The following NELL1 variants were observed in gnomAD, a reference collection of about 807,000 sequenced individuals.
The protein encoded by NELL1 is neural EGFL like 1, also known as protein kinase C-binding protein NELL1.
In NELL1, 76 loss-of-function variants were observed where a neutral mutation model predicts 107.4. The ratio of observed to expected loss-of-function variants is 0.71; its 90% CI spans 0.59 to 0.86. NELL1 has a LOEUF of 0.86. Among genes scored for constraint, NELL1 ranks in the 40% least tolerant of loss-of-function variants. The pLI is 0.00. For synonymous variants in NELL1, 353 were observed against 341.2 expected (o/e 1.03, Z -0.38); for missense variants, 1,024 against 1,005.5 (o/e 1.02, Z -0.25).
chr11:21,489,624 C>T (rs1002007959), intron 15 of NELL1, among the ~76,000 whole-genome samples: 7 of 151,902 alleles, frequency 4.6e-5, no homozygotes, highest in Non-Finnish European at 2.9e-5. Flanking sequence ...TACACCAGGA[C>T]TGCAAGGATG....
At chr11:20,983,806 T>C (rs1278233901) in intron 12 of NELL1, among the ~76,000 whole-genome samples, 1 of 152,148 alleles carries the variant, frequency 6.6e-6, no homozygotes, top group Non-Finnish European at 1.5e-5. Flanking sequence ...AAACTGAACA[T>C]TTTGCCCTCG....
intron 15 of NELL1, among the ~76,000 whole-genome samples, chr11:21,505,124 AG>A (rs1415604345): frequency 1.3e-5 from 2 of 152,178 alleles, no homozygotes; most frequent in Admixed American, 6.6e-5. Flanking sequence ...ATCTTACAAA[AG>A]CCATGCTGCT....
intron 12 of NELL1, among the ~76,000 whole-genome samples, chr11:21,039,779 T>C (rs999729763): frequency 2.0e-5 from 3 of 152,096 alleles, no homozygotes; most frequent in Non-Finnish European, 2.9e-5. Context: ...TGAATAAAAT[T>C]GGAGGGTAGG....
At chr11:20,752,725 T>C (rs1019631967) in intron 2 of NELL1, among the ~76,000 whole-genome samples, 4 of 152,186 alleles carry the variant, frequency 2.6e-5, no homozygotes, top group Non-Finnish European at 4.4e-5. Flanking sequence ...TTTGTAAAGA[T>C]GGCAAAGAAA....
chr11:21,257,113 G>C (rs1858789257), intron 14 of NELL1, among the ~76,000 whole-genome samples: 1 of 151,992 alleles, frequency 6.6e-6, no homozygotes, highest in African/African-American at 2.4e-5. Context: ...AGGCAGGTGT[G>C]TGTCAAAATG....
intron 12 of NELL1, among the ~76,000 whole-genome samples, chr11:21,016,983 C>G (rs1852580319): frequency 6.6e-6 from 1 of 152,070 alleles, no homozygotes; most frequent in South Asian, 2.1e-4. Flanking sequence ...CCTAGGTGTT[C>G]TTGGGAAAGT....
At chr11:21,364,904 C>G (rs1052364048) in intron 14 of NELL1, among the ~76,000 whole-genome samples, 1 of 152,178 alleles carries the variant, frequency 6.6e-6, no homozygotes, top group Admixed American at 6.5e-5. Context: ...AAATATTCAG[C>G]CTCTCACCTC....
At chr11:20,706,406 A>T (rs1457074296) in intron 2 of NELL1, among the ~76,000 whole-genome samples, 1 of 151,904 alleles carries the variant, frequency 6.6e-6, no homozygotes, top group Admixed American at 6.6e-5. Flanking sequence ...TTCTCAGCAA[A>T]CTATCACAAG....
At chr11:21,184,290 A>T (rs767946667) in intron 13 of NELL1, among the ~76,000 whole-genome samples, 1 of 151,646 alleles carries the variant, frequency 6.6e-6, no homozygotes, top group Non-Finnish European at 1.5e-5. Flanking sequence ...TGTTTTTGAG[A>T]TGGAGTCTTG....
chr11:21,540,240 T>A (rs1356767161), intron 16 of NELL1, among the ~76,000 whole-genome samples: 2 of 152,082 alleles, frequency 1.3e-5, no homozygotes, highest in Non-Finnish European at 2.9e-5. Flanking sequence ...TTGTTGTTAA[T>A]TATAATCACC....
intron 5 of NELL1, among the ~76,000 whole-genome samples, chr11:20,887,509 T>G (rs974173849): frequency 5.3e-5 from 8 of 152,210 alleles, no homozygotes; most frequent in African/African-American, 1.9e-4. Flanking sequence ...CAACCGTCTG[T>G]GTGGGATGGG....
At chr11:21,418,585 C>T (rs1048670410) in intron 15 of NELL1, among the ~76,000 whole-genome samples, 1 of 151,978 alleles carries the variant, frequency 6.6e-6, no homozygotes, top group African/African-American at 2.4e-5. Flanking sequence ...AAAGTTTTGC[C>T]TTCTCTTTTT....
chr11:21,287,115 C>T (rs993661638), intron 14 of NELL1, among the ~76,000 whole-genome samples: 1 of 152,158 alleles, frequency 6.6e-6, no homozygotes, highest in Non-Finnish European at 1.5e-5. Flanking sequence ...TTTATTAATT[C>T]ATTATAGATT....
In NELL1 at chr11:20,844,198, C is replaced by T. The variant is rs77842461; in HGVS notation, c.336-3385C>T. The stretch of plus-strand genomic sequence containing the variant: ...AATTGATTCATTTGACCATGCCTAG[C>T]GCATGGTGACCAACATGGGGAAGGC... On this transcript the variant is annotated intron_variant, in intron 3 of 19. Coordinates refer to ENST00000357134, the MANE Select transcript of NELL1 (RefSeq NM_006157.5). Among the ~76,000 whole-genome samples, 302 of 152,144 alleles carry T rather than the reference C, an allele frequency of 2.0e-3. 1 individual carries two copies. Among genetic ancestry groups the T allele is most frequent in the African/African-American group, 5.4e-3 (225 of 41,502 alleles).
intron 14 of NELL1, among the ~76,000 whole-genome samples, chr11:21,325,405 G>A (rs1850108624): frequency 6.6e-6 from 1 of 151,958 alleles, no homozygotes; most frequent in Non-Finnish European, 1.5e-5. Context: ...TAGACCAAAG[G>A]ATTTCCACTA....
At chr11:20,676,107 T>A (rs1854049246) in intron 1 of NELL1, among the ~76,000 whole-genome samples, 3 of 152,152 alleles carry the variant, frequency 2.0e-5, no homozygotes, top group Admixed American at 2.0e-4. Context: ...GCTAGCCTTT[T>A]TTCTGTTCTT....
chr11:20,960,097 T>C (rs992079724), intron 11 of NELL1, among the ~76,000 whole-genome samples: 4 of 152,014 alleles, frequency 2.6e-5, no homozygotes, highest in Non-Finnish European at 4.4e-5. Context: ...TTATTACTCT[T>C]TGTATTATAA....
At chr11:20,833,215 C>G (rs1858050892) in intron 3 of NELL1, among the ~76,000 whole-genome samples, 1 of 152,058 alleles carries the variant, frequency 6.6e-6, no homozygotes, top group South Asian at 2.1e-4. Flanking sequence ...GAGGGTTGTT[C>G]CAAGAATTTA....
intron 13 of NELL1, among the ~76,000 whole-genome samples, chr11:21,115,946 T>C (rs1387273482): frequency 6.6e-6 from 1 of 151,910 alleles, no homozygotes; most frequent in African/African-American, 2.4e-5. Flanking sequence ...CTTCCTTTGA[T>C]CCCAGATTTC....
Sources: gnomAD v4.1 joint callset for allele counts (sites outside exome capture counted in the v4.1 genomes callset) on GRCh38, gnomAD v4.1.1 for gene constraint, MANE v1.5 for transcripts, NCBI Gene and HGNC (gene_info 2026-07-23, HGNC 2026-07-21) for gene names.